The following KANSL1L variants were observed in gnomAD, a reference collection of about 807,000 sequenced individuals.
The protein encoded by KANSL1L is KAT8 regulatory NSL complex subunit 1-like protein.
A neutral mutation model predicts 108.6 loss-of-function variants in KANSL1L; 25 were observed. That is an observed-to-expected ratio of 0.23 (90% CI 0.17 to 0.32). The LOEUF (loss-of-function observed/expected upper bound fraction) is 0.32. KANSL1L is among the 10% of genes least tolerant of loss of function. The pLI, the probability that KANSL1L is intolerant of heterozygous loss-of-function variation, is 1.00. For synonymous variants in KANSL1L, 405 were observed against 395.1 expected (o/e 1.03, Z -0.30); for missense variants, 1,137 against 1,125.7 (o/e 1.01, Z -0.14).
intron 2 of KANSL1L, among the ~76,000 whole-genome samples, chr2:210,132,297 G>T (rs2095128966): frequency 6.6e-6 from 1 of 152,034 alleles, no homozygotes; most frequent in Non-Finnish European, 1.5e-5. Flanking sequence ...TAATGCACCA[G>T]CATACTCAGA....
chr2:210,031,613 GTTT>G, intron 8 of KANSL1L, 67 bp from the exon 9 acceptor site: 1 of 1,010,624 alleles, frequency 9.9e-7, no homozygotes, highest in African/African-American at 1.7e-5. Flanking sequence ...ATGTCAATCT[GTTT>G]TTATTTGTAA....
intron 5 of KANSL1L, among the ~76,000 whole-genome samples, chr2:210,080,629 A>G (rs985969692): frequency 1.3e-5 from 2 of 152,224 alleles, no homozygotes; most frequent in African/African-American, 2.4e-5. Context: ...TGGGCTGTAG[A>G]CTAACTGACA....
At chr2:210,116,308 A>AT (rs1301119302) in intron 3 of KANSL1L, among the ~76,000 whole-genome samples, 1 of 152,060 alleles carries the variant, frequency 6.6e-6, no homozygotes, top group Non-Finnish European at 1.5e-5. Context: ...CTCTAGACCC[A>AT]CCCGGGGCTG....
intron 3 of KANSL1L, among the ~76,000 whole-genome samples, chr2:210,106,147 C>A (rs1425856685): frequency 6.6e-6 from 1 of 152,082 alleles, no homozygotes; most frequent in African/African-American, 2.4e-5. Flanking sequence ...AAGTTTGAAG[C>A]AGGGAGAAGA....
chr2:210,123,406 T>C (rs1040519479), intron 3 of KANSL1L, among the ~76,000 whole-genome samples: 3 of 152,120 alleles, frequency 2.0e-5, no homozygotes, highest in African/African-American at 7.2e-5. Context: ...AAGGTCATTA[T>C]GTTAAGTGAA....
At chr2:210,109,720 G>C (rs958411745) in intron 3 of KANSL1L, among the ~76,000 whole-genome samples, 1 of 151,604 alleles carries the variant, frequency 6.6e-6, no homozygotes, top group Non-Finnish European at 1.5e-5. Flanking sequence ...CCTATTAAAG[G>C]GTTCTTTCTA....
At chr2:210,152,819 A>G (rs550800392) in intron 2 of KANSL1L, 3 of 152,322 alleles carry the variant, frequency 2.0e-5, no homozygotes, top group African/African-American at 2.4e-5. Flanking sequence ...TGTGCAGACT[A>G]AAGTTTTTTA....
intron 6 of KANSL1L, among the ~76,000 whole-genome samples, chr2:210,052,083 C>T (rs188213704): frequency 4.7e-4 from 71 of 150,834 alleles, no homozygotes; most frequent in Non-Finnish European, 8.4e-4. Flanking sequence ...AGACTCACTG[C>T]AGCCTCTACT....
At chr2:210,090,850 A>G (rs2125383770) in intron 5 of KANSL1L, among the ~76,000 whole-genome samples, 1 of 152,302 alleles carries the variant, frequency 6.6e-6, no homozygotes, top group African/African-American at 2.4e-5. Context: ...TTTTAAATAT[A>G]TCTTTTTACC....
At chr2:210,046,534 A>G (rs2094224907) in intron 6 of KANSL1L, among the ~76,000 whole-genome samples, 1 of 152,136 alleles carries the variant, frequency 6.6e-6, no homozygotes, top group Non-Finnish European at 1.5e-5. Flanking sequence ...GAAGAAAGAA[A>G]TGACAGGTTT....
At chr2:210,149,320 A>G (rs779779437) in intron 2 of KANSL1L, among the ~76,000 whole-genome samples, 5 of 152,188 alleles carry the variant, frequency 3.3e-5, no homozygotes, top group Non-Finnish European at 5.9e-5. Flanking sequence ...ATAAAAGAGT[A>G]GTACACTAAT....
intron 10 of KANSL1L, among the ~76,000 whole-genome samples, chr2:210,029,524 T>C (rs1389756460): frequency 2.0e-5 from 3 of 152,148 alleles, no homozygotes; most frequent in African/African-American, 7.2e-5. Context: ...AGTAAGACTT[T>C]ATTTAGCTTA....
intron 5 of KANSL1L, chr2:210,096,403 G>A: frequency 1.4e-6 from 1 of 705,086 alleles, no homozygotes; most frequent in Non-Finnish European, 1.7e-6. Context: ...TCATATTTGT[G>A]TCCCTAGGAC....
chr2:210,077,239 G>A (rs1436823161), intron 5 of KANSL1L, among the ~76,000 whole-genome samples: 1 of 151,952 alleles, frequency 6.6e-6, no homozygotes, highest in Admixed American at 6.6e-5. Flanking sequence ...TAGAAAAAAG[G>A]AGTTGATGAC....
In KANSL1L at chr2:210,044,858, C is replaced by T. The variant is rs2125198071; in HGVS notation, c.1756-754G>A. ...GATCTCGGCTCACTGCAACTTCTGC[C>T]TCCCGGGTTCAAGCGATTCTCCTGC... On this transcript the variant is annotated intron_variant, in intron 6 of 14. Transcript: ENST00000281772. This position sits in a 1 kb window ranked among gnomAD's most constrained non-coding sequence, Gnocchi z 4.2. 6.6e-6 allele frequency among the ~76,000 whole-genome samples: 1 copy of T among 152,188 alleles called. No individual in the cohort carries two copies. The highest frequency in any genetic ancestry group is 1.9e-4 in the East Asian group (1 of 5,182).
intron 3 of KANSL1L, among the ~76,000 whole-genome samples, chr2:210,120,140 A>G (rs1034896758): frequency 6.6e-6 from 1 of 152,216 alleles, no homozygotes; most frequent in African/African-American, 2.4e-5. Flanking sequence ...CTGTAATCCT[A>G]GCACCATGGG....
upstream of KANSL1L, chr2:210,171,816 C>T (rs1371394005): frequency 6.6e-6 from 1 of 152,134 alleles, no homozygotes; most frequent in African/African-American, 2.4e-5. Flanking sequence ...CGGCTTTCGC[C>T]CGCCGCTCCA....
chr2:210,149,802 AGT>A (rs760725792), intron 2 of KANSL1L, among the ~76,000 whole-genome samples: 19 of 151,986 alleles, frequency 1.3e-4, no homozygotes, highest in Non-Finnish European at 2.2e-4. Flanking sequence ...GAAATCTATT[AGT>A]GTTAGCAAAA....
At chr2:210,131,704 A>G (rs912721180) in intron 2 of KANSL1L, among the ~76,000 whole-genome samples, 2 of 150,960 alleles carry the variant, frequency 1.3e-5, no homozygotes, top group Admixed American at 1.3e-4. Context: ...TATGAAATAA[A>G]TTTTCTTTTT....
Sources: gnomAD v4.1 joint callset for allele counts (sites outside exome capture counted in the v4.1 genomes callset) on GRCh38, gnomAD v4.1.1 for gene constraint, Gnocchi (gnomAD v3.1) non-coding constraint, MANE v1.5 for transcripts, NCBI Gene and HGNC (gene_info 2026-07-23, HGNC 2026-07-21) for gene names.